Variants in EDEM3 observed in about 807,000 individuals in gnomAD.
EDEM3 encodes the protein ER degradation-enhancing alpha-mannosidase-like protein 3.
In EDEM3, 60 loss-of-function variants were observed where a neutral mutation model predicts 110.2. The observed-to-expected ratio is 0.54, with a 90% CI of 0.44 to 0.67. The LOEUF (loss-of-function observed/expected upper bound fraction) is 0.67, where lower values mean the gene tolerates loss of function less well. Ranked by LOEUF, EDEM3 falls within the 30% of genes least tolerant of loss-of-function variation. The pLI is 0.00. For missense variants in EDEM3, 996 were observed against 1,121.0 expected (o/e 0.89, Z 1.59); for synonymous variants, 352 against 382.9 (o/e 0.92, Z 0.94).
intron 3 of EDEM3, 54 bp from the exon 4 acceptor site, chr1:184,737,118 G>C (rs1433123191): frequency 9.1e-6 from 13 of 1,434,934 alleles, no homozygotes; most frequent in Middle Eastern, 1.8e-4. Flanking sequence ...AATAGTTTAT[G>C]AATGTACAAG....
chr1:184,702,445 T>A (rs963005014), intron 19 of EDEM3, among the ~76,000 whole-genome samples: 8 of 152,178 alleles, frequency 5.3e-5, no homozygotes, highest in Non-Finnish European at 1.2e-4. Flanking sequence ...TGTCTTCTCA[T>A]TCCTTATAAA....
rs143401309 is a variant in EDEM3, at chr1:184,708,603, T to C, written c.1846-259A>G. On this transcript the variant is annotated intron_variant, in intron 16 of 19. Transcript: ENST00000318130. ...ACCACTTTTGATTCAGATTGAGAAC[T>C]GGACTTCTAGCGAATGCTCAAATGC... Among the ~76,000 whole-genome samples the C allele has an allele frequency of 1.8e-3, 272 of 152,374 alleles. 2 individuals are homozygous for C. The highest frequency in any genetic ancestry group is 3.4e-3 in the Middle Eastern group (1 of 294).
At chr1:184,698,924 G>T (rs1015184317) in intron 19 of EDEM3, among the ~76,000 whole-genome samples, 2 of 151,750 alleles carry the variant, frequency 1.3e-5, no homozygotes, top group Non-Finnish European at 3.0e-5. Context: ...GGCAGTTAGA[G>T]AACTACAAAA....
chr1:184,748,605 T>A (rs1652576838), intron 2 of EDEM3, among the ~76,000 whole-genome samples: 1 of 152,110 alleles, frequency 6.6e-6, no homozygotes, highest in African/African-American at 2.4e-5. Flanking sequence ...CTCTCCAAAT[T>A]TACAATATAA....
chr1:184,742,567 T>C (rs551817102), intron 2 of EDEM3, among the ~76,000 whole-genome samples: 83 of 152,274 alleles, frequency 5.5e-4, no homozygotes, highest in Non-Finnish European at 4.1e-4. Context: ...ATTTTGTCTT[T>C]TTGAAGAGAC....
At chr1:184,730,577 A>G (rs1651455641) in intron 6 of EDEM3, among the ~76,000 whole-genome samples, 1 of 152,134 alleles carries the variant, frequency 6.6e-6, no homozygotes, top group South Asian at 2.1e-4. Flanking sequence ...ATAGAGGGAG[A>G]CTATCTCAAA....
chr1:184,710,377 G>T lies in EDEM3; in HGVS notation c.1845+17C>A, dbSNP rs756207375. The T allele has an allele frequency of 3.7e-6, 6 of 1,612,408 alleles. No homozygotes were observed. The highest frequency in any genetic ancestry group is 2.5e-6 in the Non-Finnish European group (3 of 1,179,068). ...GCAGGGCAGAGACGGTATCTAATTA[G>T]TGTAGCAATGTCTTACTTGGATTGC... On this transcript the variant is annotated intron_variant, in intron 16 of 19. Transcript: ENST00000318130.
intron 18 of EDEM3, among the ~76,000 whole-genome samples, chr1:184,705,542 T>C (rs1649868081): frequency 6.6e-6 from 1 of 152,244 alleles, no homozygotes; most frequent in Admixed American, 6.5e-5. Context: ...GCCTATAGTC[T>C]TGTAGTTTGC....
At chr1:184,732,075 C>A (rs1046213068) in intron 6 of EDEM3, among the ~76,000 whole-genome samples, 2 of 152,060 alleles carry the variant, frequency 1.3e-5, no homozygotes, top group Non-Finnish European at 2.9e-5. Context: ...ACTCGGGAGG[C>A]TGAGGCAGGA....
In EDEM3 at chr1:184,706,764, T is replaced by A. The variant is rs968809180; in HGVS notation, c.2082A>T (p.Ser694=). 8 of 1,613,970 alleles carry A rather than the reference T, an allele frequency of 5.0e-6. No homozygotes were observed. ...VASSKPSNGC[S]ELTNPEAVMG... is the part of the protein sequence containing the mutation. ...TCACTGCCTCTGGGTTAGTAAGCTC[T>A]GAACAACCATTGGATGGTTTACTGC... Residue 694 remains serine (S), a synonymous_variant, in exon 18 of 20, where the codon TCA becomes TCT. Transcript: ENST00000318130.
At chr1:184,736,363 AC>A (rs2102116670) in intron 4 of EDEM3, among the ~76,000 whole-genome samples, 1 of 152,310 alleles carries the variant, frequency 6.6e-6, no homozygotes, top group East Asian at 1.9e-4. Flanking sequence ...AATATTAATC[AC>A]CACTTGGGAT....
intron 19 of EDEM3, among the ~76,000 whole-genome samples, 157 bp from the exon 20 acceptor site, chr1:184,694,629 T>C (rs1233984767): frequency 1.3e-5 from 2 of 152,120 alleles, no homozygotes; most frequent in African/African-American, 4.8e-5. Context: ...ATGAAGACTG[T>C]CTTTATGCAG....
At position 184,744,249 on chromosome 1, in the gene EDEM3, AATATATATATATATATATATATATATAT is replaced by A. The variant is rs55959890; in HGVS notation, c.204+5270_204+5297del. Among the ~76,000 whole-genome samples, 206 of 87,632 alleles carry A rather than the reference AATATATATATATATATATATATATATAT, an allele frequency of 2.4e-3. 3 individuals are homozygous for A. The highest frequency in any genetic ancestry group is 7.4e-3 in the African/African-American group (180 of 24,232). 57.5% of individuals were successfully genotyped at this position (87,632 alleles called of 152,430 possible). A position where few individuals can be genotyped will look rare whatever the true frequency, so the allele number is the denominator to read the frequency against. On this transcript the variant is annotated intron_variant, in intron 2 of 19. Coordinates refer to ENST00000318130, the MANE Select transcript of EDEM3 (RefSeq NM_025191.4). ...CTCAGTAATAACAGAACAAATGACAAATATATATATATATATATATATATATATATATATATATATATATGAATAGCAA... is the reference window on the plus strand; with the variant it reads ...CTCAGTAATAACAGAACAAATGACAAATATATATATATATATGAATAGCAA...
rs1650755584 is a variant in EDEM3, at chr1:184,719,509, G to A, written c.1011C>T (p.Ile337=). The change falls in exon 10 of 20, where the codon ATC becomes ATT. Residue 337 remains isoleucine, a synonymous_variant. Coordinates refer to ENST00000318130, the MANE Select transcript of EDEM3 (RefSeq NM_025191.4). ...TCCGAGCATTCAGCATTGGTTTGTG[G>A]ATATGCACATCAAGTAGAAGAGGTG... The part of the protein sequence containing the change: ...SQPPLLLDVH[I]HKPMLNARTW... 2 of 1,613,948 alleles carry A rather than the reference G, an allele frequency of 1.2e-6. No individual in the cohort carries two copies. The highest frequency in any genetic ancestry group is 1.7e-6 in the Non-Finnish European group (2 of 1,179,958).
intron 2 of EDEM3, among the ~76,000 whole-genome samples, chr1:184,743,166 T>C (rs1434354922): frequency 6.6e-6 from 1 of 152,144 alleles, no homozygotes; most frequent in Non-Finnish European, 1.5e-5. Flanking sequence ...TGTTTCAAGA[T>C]TAAGAATAAA....
In EDEM3 at chr1:184,712,293, G is replaced by T. The variant is rs530119402; in HGVS notation, c.1536+140C>A. The T allele has an allele frequency of 4.9e-6, 4 of 808,362 alleles. No homozygotes were observed. In the Admixed American group the frequency reaches 1.1e-4, roughly 22 times the overall value. 50.1% of individuals were successfully genotyped at this position (808,362 alleles called of 1,614,324 possible). A position where few individuals can be genotyped will look rare whatever the true frequency, so the allele number is the denominator to read the frequency against. ...TAAGTGTATACAGGATGCAATAAAA[G>T]AAAAAAAATAGGAAAATGTATATAT... On this transcript the variant is annotated intron_variant, in intron 14 of 19. Transcript: ENST00000318130.
At position 184,719,211 on chromosome 1, in the gene EDEM3, G is replaced by A; in HGVS notation, c.1112C>T (p.Thr371Ile). 1 of 1,574,486 alleles carries A rather than the reference G, an allele frequency of 6.4e-7. No homozygotes were observed. Among genetic ancestry groups the A allele is most frequent in the Admixed American group, 2.0e-5 (1 of 49,628 alleles). The change falls in exon 11 of 20, where the codon ACT becomes ATT. Residue 371 changes from threonine to isoleucine, a missense_variant. Thr to Ile is a moderately conservative substitution (Grantham distance 89). Coordinates refer to ENST00000318130, the MANE Select transcript of EDEM3 (RefSeq NM_025191.4). ...AATCACCTGATATAACATTTCATGA[G>A]TTTCAATAGCAGGTCTAATATCCCC... ...LKGDIRPAIE[T>I]HEMLYQVIKK...
chr1:184,733,371 C>T (rs974857090), intron 5 of EDEM3, among the ~76,000 whole-genome samples: 14 of 152,122 alleles, frequency 9.2e-5, no homozygotes, highest in African/African-American at 3.1e-4. Flanking sequence ...AAAAACCTCT[C>T]GCTCTAGATT....
In EDEM3 at chr1:184,742,000, T is replaced by C. The variant is rs867542866; in HGVS notation, c.205-4289A>G. The stretch of plus-strand genomic sequence containing the variant: ...ATTATGTGAATGTCCATATGATTCT[T>C]AGTTCTTGAAATTCAGCAAAAAAAC... On this transcript the variant is annotated intron_variant, in intron 2 of 19. Transcript: ENST00000318130. Among the ~76,000 whole-genome samples, 5 of 152,200 alleles carry C rather than the reference T, an allele frequency of 3.3e-5. No individual in the cohort carries two copies. In the East Asian group the frequency reaches 5.8e-4, roughly 18 times the overall value.
Sources: allele counts gnomAD v4.1 joint callset (sites outside exome capture counted in the v4.1 genomes callset), GRCh38; gene constraint gnomAD v4.1.1; transcripts MANE v1.5; gene names NCBI Gene and HGNC (gene_info 2026-07-23, HGNC 2026-07-21).